AKAP6: variants seen among roughly 807,000 people sequenced by gnomAD.
AKAP6 encodes A-kinase anchor protein 6.
In AKAP6, 58 loss-of-function variants were observed where a neutral mutation model predicts 188.5. The observed-to-expected ratio is 0.31, with a 90% CI of 0.25 to 0.38. The LOEUF is 0.38. Among genes scored for constraint, AKAP6 ranks in the 10% least tolerant of loss-of-function variants. The pLI, the probability that AKAP6 is intolerant of heterozygous loss-of-function variation, is 1.00. For missense variants in AKAP6, 2,710 were observed against 2,740.0 expected (o/e 0.99, Z 0.24); for synonymous variants, 989 against 998.6 (o/e 0.99, Z 0.18).
At chr14:32,391,587 CG>C (rs1202392480) in intron 1 of AKAP6, among the ~76,000 whole-genome samples, 1 of 152,162 alleles carries the variant, frequency 6.6e-6, no homozygotes, top group Non-Finnish European at 1.5e-5. Context: ...TCTGGTTGGG[CG>C]GTTTCTCATG....
chr14:32,371,795 G>T (rs1888015568), intron 1 of AKAP6, among the ~76,000 whole-genome samples: 1 of 152,172 alleles, frequency 6.6e-6, no homozygotes, highest in African/African-American at 2.4e-5. Flanking sequence ...AGGAACTAAG[G>T]TGTAGCTTGG....
intron 12 of AKAP6, among the ~76,000 whole-genome samples, chr14:32,787,791 A>G (rs2033468694): frequency 6.6e-6 from 1 of 152,140 alleles, no homozygotes; most frequent in African/African-American, 2.4e-5. Flanking sequence ...TTTCAAAGTA[A>G]TCTCCAATAA....
At chr14:32,409,943 A>G (rs1192904686) in intron 1 of AKAP6, among the ~76,000 whole-genome samples, 1 of 152,120 alleles carries the variant, frequency 6.6e-6, no homozygotes, top group Non-Finnish European at 1.5e-5. Context: ...CCTGCAAACC[A>G]TAAAGTCTCA....
intron 7 of AKAP6, among the ~76,000 whole-genome samples, chr14:32,609,880 G>GACAC (rs71115085): frequency 0.014 from 1,932 of 137,384 alleles, 24 homozygotes; most frequent in East Asian, 0.051. Flanking sequence ...CTCTCTCTCT[G>GACAC]ACACACACAC....
chr14:32,519,096 G>C (rs993681185), intron 2 of AKAP6, among the ~76,000 whole-genome samples: 2 of 152,158 alleles, frequency 1.3e-5, no homozygotes, highest in Admixed American at 6.5e-5. Flanking sequence ...GCCAAACTAA[G>C]CTTCAGAAGT....
In AKAP6 at chr14:32,584,543, T is replaced by C. The variant is rs184087303; in HGVS notation, c.2469+7301T>C. Among the ~76,000 whole-genome samples, 207 of 152,276 alleles carry C rather than the reference T, an allele frequency of 1.4e-3. 3 individuals carry two copies. The highest frequency in any genetic ancestry group is 0.012 in the South Asian group (57 of 4,820). On this transcript the variant is annotated intron_variant, in intron 5 of 13. Coordinates refer to ENST00000280979, the MANE Select transcript of AKAP6 (RefSeq NM_004274.5). ...ATGAGTTTTGACAATCTGACAAATATATACACCCATGAAACAATCACTGCA... is the reference window on the plus strand; with the variant it reads ...ATGAGTTTTGACAATCTGACAAATACATACACCCATGAAACAATCACTGCA...
chr14:32,776,396 C>A (rs1955514), intron 12 of AKAP6, among the ~76,000 whole-genome samples: 1 of 152,104 alleles, frequency 6.6e-6, no homozygotes, highest in Non-Finnish European at 1.5e-5. Context: ...CTCTTGTCTG[C>A]TGCCATGTAA....
intron 2 of AKAP6, among the ~76,000 whole-genome samples, chr14:32,533,084 A>G (rs994931203): frequency 6.6e-6 from 1 of 152,178 alleles, no homozygotes; most frequent in African/African-American, 2.4e-5. Context: ...AATGGATATG[A>G]AGGTCCTGGG....
chr14:32,450,714 TTA>T (rs1198611151), intron 2 of AKAP6, among the ~76,000 whole-genome samples: 1 of 152,160 alleles, frequency 6.6e-6, no homozygotes, highest in African/African-American at 2.4e-5. Context: ...ATTAAGAGAT[TTA>T]TACTGCAAGT....
At chr14:32,347,088 T>C (rs1215295634) in intron 1 of AKAP6, among the ~76,000 whole-genome samples, 1 of 152,226 alleles carries the variant, frequency 6.6e-6, no homozygotes. Context: ...TCTAACTATA[T>C]ATTAAGTAAA....
chr14:32,772,048 G>A (rs1226833063), intron 11 of AKAP6, among the ~76,000 whole-genome samples: 1 of 151,306 alleles, frequency 6.6e-6, no homozygotes, highest in Admixed American at 6.6e-5. Flanking sequence ...GTGTGTGGAT[G>A]TGTGTGTGTG....
Position 32,775,772 on chromosome 14 carries a change from C to A in AKAP6, c.3588+1879C>A, listed in dbSNP as rs112114627. Among the ~76,000 whole-genome samples the A allele has an allele frequency of 8.1e-3, 1,232 of 152,210 alleles. 17 individuals carry two copies. The highest frequency in any genetic ancestry group is 0.027 in the African/African-American group (1,136 of 41,534). On this transcript the variant is annotated intron_variant, in intron 12 of 13. Transcript: ENST00000280979. ...GTAAAGGCAAGCTTTAGCTTTGAGG[C>A]AACCCTGGCTGCTTCTTAAAGGTTC...
intron 12 of AKAP6, among the ~76,000 whole-genome samples, chr14:32,795,525 C>A (rs1348515664): frequency 6.6e-6 from 1 of 151,948 alleles, no homozygotes; most frequent in Non-Finnish European, 1.5e-5. Flanking sequence ...ATAAACAGAA[C>A]TAAAGACAAA....
At chr14:32,632,808 G>A (rs1887331642) in intron 7 of AKAP6, among the ~76,000 whole-genome samples, 1 of 151,986 alleles carries the variant, frequency 6.6e-6, no homozygotes, top group South Asian at 2.1e-4. Context: ...AGAAAGGCTT[G>A]GAAATGACTT....
rs74041712 is a variant in AKAP6, at chr14:32,822,474, A to C, written c.4661A>C (p.Gln1554Pro). The C allele has an allele frequency of 2.5e-4, 404 of 1,614,058 alleles. 2 individuals carry two copies. In the African/African-American group the frequency reaches 4.8e-3, roughly 19 times the overall value. Residue 1554 changes from glutamine to proline, a missense_variant, in exon 13 of 14, where the codon CAG (glutamine) becomes CCG (proline). By Grantham distance (76) the Gln-to-Pro change is moderately conservative. Coordinates refer to ENST00000280979, the MANE Select transcript of AKAP6 (RefSeq NM_004274.5). ...GNIEKTFTGMQNAKQLSLLSH... is the reference protein window; with the variant it reads ...GNIEKTFTGMPNAKQLSLLSH... ...ATAGAAAAGACATTCACTGGCATGCAGAATGCCAAACAGCTCTCCCTTTTA... is the reference window on the plus strand; with the variant it reads ...ATAGAAAAGACATTCACTGGCATGCCGAATGCCAAACAGCTCTCCCTTTTA...
At chr14:32,743,404 T>C (rs1469889493) in intron 11 of AKAP6, among the ~76,000 whole-genome samples, 1 of 152,162 alleles carries the variant, frequency 6.6e-6, no homozygotes, top group Non-Finnish European at 1.5e-5. Context: ...TCCTGCTATT[T>C]TGTTATTTGT....
chr14:32,711,066 A>G (rs1891038134), intron 9 of AKAP6, among the ~76,000 whole-genome samples: 1 of 152,066 alleles, frequency 6.6e-6, no homozygotes, highest in Non-Finnish European at 1.5e-5. Context: ...AATAATAACT[A>G]TTATGGCAAC....
At position 32,632,730 on chromosome 14, in the gene AKAP6, GA is replaced by G. The variant is rs1887328556; in HGVS notation, c.2730+31943del. Among the ~76,000 whole-genome samples the G allele has an allele frequency of 2.0e-5, 3 of 152,026 alleles. No individual in the cohort carries two copies. The South Asian group carries it at 6.2e-4, about 32-fold the overall frequency. On this transcript the variant is annotated intron_variant, in intron 7 of 13. Transcript: ENST00000280979. ...GAGCAGGGGCAAGAGACTGGGACAG[GA>G]AAAACCAATCAGAGAGCATAAAGCT...
intron 7 of AKAP6, among the ~76,000 whole-genome samples, chr14:32,662,932 G>A (rs951153153): frequency 2.6e-5 from 4 of 152,032 alleles, no homozygotes; most frequent in Admixed American, 6.6e-5. Flanking sequence ...CATCAGATGA[G>A]CTATAGTTCC....
Sources: allele counts gnomAD v4.1 joint callset (sites outside exome capture counted in the v4.1 genomes callset), GRCh38; gene constraint gnomAD v4.1.1; transcripts MANE v1.5; gene names NCBI Gene and HGNC (gene_info 2026-07-23, HGNC 2026-07-21).